DPYSL2: variants seen among roughly 807,000 people sequenced by gnomAD.
DPYSL2 encodes the protein dihydropyrimidinase-related protein 2.
A neutral mutation model predicts 69.9 loss-of-function variants in DPYSL2; 13 were observed. That is an observed-to-expected ratio of 0.19 (90% CI 0.12 to 0.30). The LOEUF (loss-of-function observed/expected upper bound fraction) is 0.30. DPYSL2 is among the 10% of genes least tolerant of loss of function. The pLI is 1.00. For synonymous variants in DPYSL2, 326 were observed against 359.1 expected, an observed-to-expected ratio of 0.91 and a Z score of 1.04; for missense variants, 587 against 918.9, an observed-to-expected ratio of 0.64 and a Z score of 4.67.
chr8:26,607,712 C>G (rs1057366216), intron 3 of DPYSL2, among the ~76,000 whole-genome samples: 1 of 151,890 alleles, frequency 6.6e-6, no homozygotes, highest in African/African-American at 2.4e-5. Flanking sequence ...ATTGCTTGAG[C>G]CTGGCAGGTT....
At position 26,615,067 on chromosome 8, in the gene DPYSL2, G is replaced by A. The variant is rs190245965; in HGVS notation, c.629-9076G>A. On this transcript the variant is annotated intron_variant, in intron 3 of 13. Coordinates refer to ENST00000521913, the MANE Select transcript of DPYSL2 (RefSeq NM_001197293.3). ...CAAGAGCCTTACCTGCCAGAGGCAC[G>A]GGAGGTGTGGCTGTTGCGCAGCTTC... Among the ~76,000 whole-genome samples the A allele has an allele frequency of 9.8e-5, 15 of 152,328 alleles. No individual in the cohort carries two copies. In the East Asian group the frequency reaches 2.3e-3, roughly 24 times the overall value.
chr8:26,594,294 C>G (rs1313961278), intron 3 of DPYSL2, among the ~76,000 whole-genome samples: 3 of 152,174 alleles, frequency 2.0e-5, no homozygotes, highest in African/African-American at 7.2e-5. Context: ...ATCTCCCTCT[C>G]TCTCTCTCTC....
chr8:26,572,561 G>A (rs1269280787), intron 1 of DPYSL2, among the ~76,000 whole-genome samples: 3 of 152,088 alleles, frequency 2.0e-5, no homozygotes, highest in East Asian at 1.9e-4. Context: ...GTGCAGTGAC[G>A]CAATCTCGGC....
rs369869608 is a variant in DPYSL2, at chr8:26,564,017, G to A, written c.355-17952G>A. On this transcript the variant is annotated intron_variant, in intron 1 of 13. Coordinates refer to ENST00000521913, the MANE Select transcript of DPYSL2 (RefSeq NM_001197293.3). This position sits in a 1 kb window ranked among gnomAD's most constrained non-coding sequence, Gnocchi z 4.8. ...ACTGGGTAAGAGGAACTCAATGAAT[G>A]TTTAGAAAGAAGAGTCATAAAAGCG... is the stretch of plus-strand genomic sequence containing the variant. 2.6e-5 allele frequency among the ~76,000 whole-genome samples: 4 copies of A among 152,042 alleles called. No homozygotes were observed. In the East Asian group the frequency reaches 7.7e-4, roughly 29 times the overall value.
intron 1 of DPYSL2, among the ~76,000 whole-genome samples, chr8:26,556,478 G>C (rs1800989684): frequency 7.6e-6 from 1 of 130,984 alleles, no homozygotes; most frequent in Non-Finnish European, 1.6e-5. Context: ...ACTATTAAAT[G>C]ATTATATCAA....
chr8:26,637,748 G>A (rs1233880220), intron 8 of DPYSL2: 1 of 152,234 alleles, frequency 6.6e-6, no homozygotes, highest in African/African-American at 2.4e-5. Flanking sequence ...CACCAGCCAC[G>A]TGATGCTGGG....
chr8:26,638,641 T>C (rs2129955960), intron 8 of DPYSL2, among the ~76,000 whole-genome samples: 1 of 152,268 alleles, frequency 6.6e-6, no homozygotes, highest in African/African-American at 2.4e-5. Context: ...ATCAACCCAA[T>C]TTGGCAGCTG....
At chr8:26,634,283 G>T (rs982464803) in intron 7 of DPYSL2, among the ~76,000 whole-genome samples, 1 of 152,042 alleles carries the variant, frequency 6.6e-6, no homozygotes, top group Non-Finnish European at 1.5e-5. Context: ...TTTTTCTTTT[G>T]AGACTTAGTC....
In DPYSL2 at chr8:26,647,579, A is replaced by G; in HGVS notation, c.1426-51A>G. 6.5e-7 allele frequency: 1 copy of G among 1,535,400 alleles called. No individual in the cohort carries two copies. On this transcript the variant is annotated intron_variant, in intron 10 of 13. Coordinates refer to ENST00000521913, the MANE Select transcript of DPYSL2 (RefSeq NM_001197293.3). The surrounding 1 kb of genome is among the most constrained non-coding windows in gnomAD (Gnocchi z 5.1). ...GTTTGTTATTGAAAAGTAACTTTTT[A>G]ACTCGTTTCTGCTGTGTGCCTCCTG...
At chr8:26,519,795 T>C (rs1385870183) in intron 1 of DPYSL2, among the ~76,000 whole-genome samples, 1 of 152,220 alleles carries the variant, frequency 6.6e-6, no homozygotes, top group African/African-American at 2.4e-5. Flanking sequence ...CAAAATATGT[T>C]ACATCCCATT....
In DPYSL2 at chr8:26,606,189, C is replaced by CA. The variant is rs1490751732; in HGVS notation, c.629-17953dup. 2.0e-5 allele frequency among the ~76,000 whole-genome samples: 3 copies of CA among 152,268 alleles called. No homozygotes were observed. The East Asian group carries it at 5.8e-4, about 29-fold the overall frequency. ...TTAGTATATAAAAAAGGCTACATTTCACACTCATGGTAAAATTGTAAAATA... is the reference window on the plus strand; with the variant it reads ...TTAGTATATAAAAAAGGCTACATTTCAACACTCATGGTAAAATTGTAAAATA... On this transcript the variant is annotated intron_variant, in intron 3 of 13. Coordinates refer to ENST00000521913, the MANE Select transcript of DPYSL2 (RefSeq NM_001197293.3).
intron 3 of DPYSL2, among the ~76,000 whole-genome samples, chr8:26,603,997 C>T (rs550357926): frequency 1.3e-5 from 2 of 152,148 alleles, no homozygotes; most frequent in East Asian, 3.9e-4. Context: ...GGGTGTGTGC[C>T]CGTAAATGGA....
chr8:26,544,470 C>T (rs1250336628), intron 1 of DPYSL2, among the ~76,000 whole-genome samples: 1 of 152,144 alleles, frequency 6.6e-6, no homozygotes, highest in African/African-American at 2.4e-5. Flanking sequence ...ATACTTTGTG[C>T]ACTTCTAAAC....
chr8:26,546,265 T>G (rs1342641434), intron 1 of DPYSL2, among the ~76,000 whole-genome samples: 1 of 152,250 alleles, frequency 6.6e-6, no homozygotes, highest in Non-Finnish European at 1.5e-5. Context: ...TAAATTGTAT[T>G]GTGTTTTTAA....
At position 26,654,641 on chromosome 8, in the gene DPYSL2, A is replaced by C. The variant is rs1803343294; in HGVS notation, c.1943-974A>C. ...ATTATATGTGTAGGATTAGGGGATT[A>C]GAATGCCAGAAGAGGGCTATGTCCT... On this transcript the variant is annotated intron_variant, in intron 13 of 13. Coordinates refer to ENST00000521913, the MANE Select transcript of DPYSL2 (RefSeq NM_001197293.3). The surrounding 1 kb of genome is among the most constrained non-coding windows in gnomAD (Gnocchi z 5.0). 6.6e-6 allele frequency among the ~76,000 whole-genome samples: 1 copy of C among 152,204 alleles called. No homozygotes were observed. The highest frequency in any genetic ancestry group is 6.5e-5 in the Admixed American group (1 of 15,286).
At position 26,640,206 on chromosome 8, in the gene DPYSL2, T is replaced by C. The variant is rs1368687534; in HGVS notation, c.1127-3233T>C. ...ATCAAGCATATTTAAACCGCAGCCT[T>C]CCATTTATTCTTCATGAATGCACAC... is the stretch of plus-strand genomic sequence containing the variant. On this transcript the variant is annotated intron_variant, in intron 8 of 13. Coordinates refer to ENST00000521913, the MANE Select transcript of DPYSL2 (RefSeq NM_001197293.3). This position sits in a 1 kb window ranked among gnomAD's most constrained non-coding sequence, Gnocchi z 4.2. 6.6e-6 allele frequency among the ~76,000 whole-genome samples: 1 copy of C among 152,184 alleles called. No individual in the cohort carries two copies. Among genetic ancestry groups the C allele is most frequent in the Non-Finnish European group, 1.5e-5 (1 of 68,022 alleles).
chr8:26,524,613 C>T (rs961969187), intron 1 of DPYSL2, among the ~76,000 whole-genome samples: 3 of 151,740 alleles, frequency 2.0e-5, no homozygotes, highest in Non-Finnish European at 4.4e-5. Context: ...GCCTGGCCAA[C>T]GTGGCAAAAT....
rs1276658942 is a variant in DPYSL2 at position 26,642,997 on chromosome 8, C to CTG, written c.1127-439_1127-438dup. On this transcript the variant is annotated intron_variant, in intron 8 of 13. Coordinates refer to ENST00000521913, the MANE Select transcript of DPYSL2 (RefSeq NM_001197293.3). This position sits in a 1 kb window ranked among gnomAD's most constrained non-coding sequence, Gnocchi z 5.3. The stretch of plus-strand genomic sequence containing the variant: ...GCAGACCTTTAGTCAGAGCTAGACA[C>CTG]TGTGAAGGGCTAGGAATTGTGAAAA... 1.3e-5 allele frequency: 2 copies of CTG among 159,594 alleles called. No individual in the cohort carries two copies. Among genetic ancestry groups the CTG allele is most frequent in the Non-Finnish European group, 2.8e-5 (2 of 72,632 alleles). The allele number at this position is 159,594 out of a possible 1,614,324, so 9.9% of individuals were successfully genotyped here. A position where few individuals can be genotyped will look rare whatever the true frequency, so the allele number is the denominator to read the frequency against.
intron 1 of DPYSL2, among the ~76,000 whole-genome samples, chr8:26,537,480 A>G (rs1020191447): frequency 2.0e-5 from 3 of 152,188 alleles, no homozygotes; most frequent in African/African-American, 7.2e-5. Flanking sequence ...AGCTTTTTAA[A>G]AACTATCTTT....
Sources: allele counts gnomAD v4.1 joint callset (sites outside exome capture counted in the v4.1 genomes callset), GRCh38; gene constraint gnomAD v4.1.1; non-coding constraint Gnocchi (gnomAD v3.1); transcripts MANE v1.5; gene names NCBI Gene and HGNC (gene_info 2026-07-23, HGNC 2026-07-21).